RYK: variants seen among roughly 807,000 people sequenced by gnomAD.
The protein encoded by RYK is receptor like tyrosine kinase, also known as inactive tyrosine-protein kinase RYK.
A neutral mutation model predicts 70.2 loss-of-function variants in RYK; 21 were observed. The observed-to-expected ratio is 0.30, with a 90% confidence interval of 0.21 to 0.43. The LOEUF (loss-of-function observed/expected upper bound fraction) is 0.43, where lower values mean the gene tolerates loss of function less well. Ranked by LOEUF, RYK falls within the 20% of genes least tolerant of loss-of-function variation. RYK has a pLI of 1.00. For synonymous variants in RYK, 267 were observed against 278.0 expected, an observed-to-expected ratio of 0.96 and a Z score of 0.39; for missense variants, 604 against 753.3, an observed-to-expected ratio of 0.80 and a Z score of 2.32.
intron 1 of RYK, among the ~76,000 whole-genome samples, chr3:134,249,926 T>TTTTTTTTTTTTTTTTTTTTTTTTC (rs1559770752): frequency 6.8e-6 from 1 of 146,126 alleles, no homozygotes; most frequent in African/African-American, 2.6e-5. Flanking sequence ...CGTTTTTTTT[T>TTTTTTTTTTTTTTTTTTTTTTTTC]TTTTTTTTTT....
chr3:134,247,201 G>A (rs188068092), intron 1 of RYK, among the ~76,000 whole-genome samples: 16 of 152,196 alleles, frequency 1.1e-4, no homozygotes, highest in African/African-American at 3.4e-4. Context: ...AAAAAGTTAC[G>A]TAACTACATT....
At chr3:134,203,359 G>GAAT (rs2107675420) in intron 5 of RYK, among the ~76,000 whole-genome samples, 1 of 152,162 alleles carries the variant, frequency 6.6e-6, no homozygotes, top group South Asian at 2.1e-4. Flanking sequence ...CTTACCAAAA[G>GAAT]AGTTGGTTCT....
rs573397804 is a variant in RYK at position 134,197,832 on chromosome 3, C to T, written c.789-2650G>A. Among the ~76,000 whole-genome samples, 3 of 152,360 alleles carry T rather than the reference C, an allele frequency of 2.0e-5. No individual in the cohort carries two copies. The East Asian group carries it at 5.8e-4, about 29-fold the overall frequency. On this transcript the variant is annotated intron_variant, in intron 6 of 14. Coordinates refer to ENST00000623711, the MANE Select transcript of RYK (RefSeq NM_002958.4). ...TCACTGATGACTAAGTGCACAGACA[C>T]AGTCTCTCCATTAACTTAACAGTAG...
At chr3:134,243,734 G>A (rs1200085812) in intron 1 of RYK, among the ~76,000 whole-genome samples, 1 of 152,090 alleles carries the variant, frequency 6.6e-6, no homozygotes, top group Non-Finnish European at 1.5e-5. Context: ...AGGCTCAAAT[G>A]TCTTTTTTTT....
chr3:134,173,293 A>AAT (rs879293566), intron 13 of RYK, among the ~76,000 whole-genome samples: 1 of 152,070 alleles, frequency 6.6e-6, no homozygotes, highest in East Asian at 1.9e-4. Context: ...AAAAAAAAAA[A>AAT]TTTAAAAATT....
intron 3 of RYK, among the ~76,000 whole-genome samples, chr3:134,210,620 C>T (rs1455051030): frequency 6.6e-6 from 1 of 152,158 alleles, no homozygotes; most frequent in Non-Finnish European, 1.5e-5. Flanking sequence ...CTGATACTTT[C>T]AATTTTTAAA....
At chr3:134,231,771 G>C (rs1239415071) in intron 1 of RYK, among the ~76,000 whole-genome samples, 1 of 152,116 alleles carries the variant, frequency 6.6e-6, no homozygotes, top group Non-Finnish European at 1.5e-5. Flanking sequence ...GACTGCTTGA[G>C]CACCCTTACC....
At chr3:134,163,399 G>C (rs998391357) in intron 13 of RYK, among the ~76,000 whole-genome samples, 2 of 152,156 alleles carry the variant, frequency 1.3e-5, no homozygotes, top group African/African-American at 2.4e-5. Flanking sequence ...CAATAAGAAG[G>C]TCATGCTGTT....
At chr3:134,216,933 T>C (rs2014573324) in intron 2 of RYK, among the ~76,000 whole-genome samples, 1 of 151,666 alleles carries the variant, frequency 6.6e-6, no homozygotes, top group Non-Finnish European at 1.5e-5. Flanking sequence ...CTTTTAAGTG[T>C]GTGGTCTTGT....
Position 134,202,834 on chromosome 3 carries a change from C to A in RYK, c.684G>T (p.Val228=). 1 of 1,613,710 alleles carries A rather than the reference C, an allele frequency of 6.2e-7. No individual in the cohort carries two copies. The highest frequency in any genetic ancestry group is 8.5e-7 in the Non-Finnish European group (1 of 1,179,756). Residue 228 remains valine, a synonymous_variant, in exon 6 of 15, where the codon GTG becomes GTT. Transcript: ENST00000623711. The part of the protein sequence containing the change: ...VHAAPTTSTR[V]FYISVGVCCA... ...AACAAACCCCTACACTAATATAAAA[C>A]ACACGCGTAGAAGTGGTTGGAGCTG...
chr3:134,170,470 T>C (rs2012862290), intron 13 of RYK: 1 of 152,354 alleles, frequency 6.6e-6, no homozygotes, highest in Non-Finnish European at 1.5e-5. Flanking sequence ...CCCAGACTCA[T>C]GAACAATTCA....
chr3:134,224,193 G>A (rs559436396), intron 1 of RYK, among the ~76,000 whole-genome samples: 1 of 152,146 alleles, frequency 6.6e-6, no homozygotes, highest in Non-Finnish European at 1.5e-5. Context: ...GGCCCTGAAT[G>A]CCTGGCTGTG....
At chr3:134,203,165 T>C (rs911786352) in intron 5 of RYK, among the ~76,000 whole-genome samples, 15 of 152,246 alleles carry the variant, frequency 9.9e-5, no homozygotes, top group African/African-American at 3.6e-4. Flanking sequence ...CTGGCCAATA[T>C]GGTGAAACCC....
chr3:134,160,436 T>C (rs538754200), intron 13 of RYK, among the ~76,000 whole-genome samples: 2 of 147,644 alleles, frequency 1.4e-5, no homozygotes, highest in South Asian at 2.1e-4. Flanking sequence ...TTTTAGGTTA[T>C]TATTTTTCAA....
At chr3:134,192,769 G>C (rs1262784429) in intron 7 of RYK, among the ~76,000 whole-genome samples, 2 of 152,152 alleles carry the variant, frequency 1.3e-5, no homozygotes, top group Non-Finnish European at 2.9e-5. Context: ...GATCATCAAT[G>C]GTTGCCAGGA....
chr3:134,162,881 T>C (rs942107349), intron 13 of RYK, among the ~76,000 whole-genome samples: 12 of 152,162 alleles, frequency 7.9e-5, no homozygotes, highest in African/African-American at 2.7e-4. Flanking sequence ...AAACTAGATT[T>C]TGGAAGAAGA....
intron 1 of RYK, among the ~76,000 whole-genome samples, chr3:134,238,916 G>T (rs1157563772): frequency 6.6e-6 from 1 of 152,144 alleles, no homozygotes; most frequent in African/African-American, 2.4e-5. Flanking sequence ...ACTGATAAAG[G>T]CTTTTGCCGG....
chr3:134,213,688 C>A (rs111908918), intron 2 of RYK, among the ~76,000 whole-genome samples: 1 of 152,228 alleles, frequency 6.6e-6, no homozygotes, highest in African/African-American at 2.4e-5. Flanking sequence ...TCATTCAGTT[C>A]CTACAACACC....
rs952980996 is a variant in RYK, at chr3:134,202,925, T to C, written c.644-51A>G. On this transcript the variant is annotated intron_variant, in intron 5 of 14. Coordinates refer to ENST00000623711, the MANE Select transcript of RYK (RefSeq NM_002958.4). ...TAGCTTTTTAAACAAATATGACTGC[T>C]TTGTGACCCAATATACATAAATAAG... The C allele has an allele frequency of 6.7e-6, 10 of 1,491,282 alleles. No homozygotes were observed. In the African/African-American group the frequency reaches 1.3e-4, roughly 19 times the overall value. The allele number at this position is 1,491,282 out of a possible 1,614,324, so 92.4% of individuals were successfully genotyped here.
Sources: allele counts gnomAD v4.1 joint callset (sites outside exome capture counted in the v4.1 genomes callset), GRCh38; gene constraint gnomAD v4.1.1; transcripts MANE v1.5; gene names NCBI Gene and HGNC (gene_info 2026-07-23, HGNC 2026-07-21).